DCDC1: variants seen among roughly 807,000 people sequenced by gnomAD.
DCDC1 encodes doublecortin domain-containing protein 1.
DCDC1 carries 200 observed loss-of-function variants against 178.3 expected under a neutral mutation model. That is an observed-to-expected ratio of 1.12 (90% CI 1.00 to 1.26). DCDC1 has a LOEUF of 1.26. Among genes scored for constraint, DCDC1 ranks in the 50% most tolerant of loss-of-function variants. DCDC1 has a pLI of 0.00. For missense variants in DCDC1, 1,983 were observed against 1,749.2 expected, an observed-to-expected ratio of 1.13 and a Z score of -2.38; for synonymous variants, 690 against 604.8, an observed-to-expected ratio of 1.14 and a Z score of -2.07.
At chr11:31,353,084 G>C (rs1951158081) in intron 1 of DCDC1, among the ~76,000 whole-genome samples, 1 of 152,138 alleles carries the variant, frequency 6.6e-6, no homozygotes, top group Non-Finnish European at 1.5e-5. Flanking sequence ...TGAATATATT[G>C]TTTCTTTGAC....
At chr11:31,262,851 T>A (rs2137083893) in intron 8 of DCDC1, 1 of 459,982 alleles carries the variant, frequency 2.2e-6, no homozygotes, top group Middle Eastern at 3.3e-4. Context: ...AGGATTAGCT[T>A]CTTTAAATAT....
chr11:31,194,507 A>C (rs2136376667), intron 9 of DCDC1, among the ~76,000 whole-genome samples: 1 of 152,224 alleles, frequency 6.6e-6, no homozygotes. Flanking sequence ...ATACATAAAA[A>C]CATATTTTTA....
intron 3 of DCDC1, among the ~76,000 whole-genome samples, chr11:31,313,909 G>A (rs1184513977): frequency 7.9e-5 from 12 of 152,120 alleles, no homozygotes; most frequent in Admixed American, 7.9e-4. Context: ...TTATAACATA[G>A]ATTTTCTTTT....
At chr11:31,117,790 T>C (rs1030480484) in intron 11 of DCDC1, among the ~76,000 whole-genome samples, 3 of 152,028 alleles carry the variant, frequency 2.0e-5, no homozygotes, top group African/African-American at 7.2e-5. Flanking sequence ...CAGAAGACAG[T>C]GGCAAAGGAA....
At chr11:31,171,161 C>T (rs1234322359) in intron 9 of DCDC1, among the ~76,000 whole-genome samples, 1 of 152,112 alleles carries the variant, frequency 6.6e-6, no homozygotes, top group Non-Finnish European at 1.5e-5. Flanking sequence ...AGTTCTATAC[C>T]AGAATCCTTA....
intron 18 of DCDC1, among the ~76,000 whole-genome samples, chr11:31,066,412 C>T (rs147276853): frequency 6.6e-6 from 1 of 152,148 alleles, no homozygotes; most frequent in Non-Finnish European, 1.5e-5. Flanking sequence ...GTCTGTCAAG[C>T]CTAAATATGC....
chr11:31,249,804 C>A (rs917161670), intron 8 of DCDC1, among the ~76,000 whole-genome samples: 1 of 152,106 alleles, frequency 6.6e-6, no homozygotes, highest in East Asian at 1.9e-4. Flanking sequence ...TGAAGAGAGG[C>A]AAATACACTT....
intron 8 of DCDC1, among the ~76,000 whole-genome samples, chr11:31,250,415 C>CACATATAT (rs1223526182): frequency 2.7e-5 from 2 of 73,672 alleles, no homozygotes; most frequent in African/African-American, 5.2e-5. Flanking sequence ...CACACACACA[C>CACATATAT]ATATACATAT....
At chr11:31,075,047 C>T (rs1389181798) in intron 18 of DCDC1, among the ~76,000 whole-genome samples, 1 of 152,016 alleles carries the variant, frequency 6.6e-6, no homozygotes, top group Admixed American at 6.6e-5. Flanking sequence ...TCTCATTATC[C>T]ATCCTCTCAC....
At chr11:31,066,075 G>A (rs1247466186) in intron 18 of DCDC1, among the ~76,000 whole-genome samples, 1 of 152,104 alleles carries the variant, frequency 6.6e-6, no homozygotes, top group Non-Finnish European at 1.5e-5. Context: ...ACCCACTCGT[G>A]TAATATTTCA....
intron 8 of DCDC1, among the ~76,000 whole-genome samples, chr11:31,248,546 A>T (rs1287127876): frequency 6.6e-6 from 1 of 152,114 alleles, no homozygotes; most frequent in Non-Finnish European, 1.5e-5. Context: ...TACCTAATTC[A>T]GAGACTTAAA....
intron 6 of DCDC1, among the ~76,000 whole-genome samples, chr11:31,292,261 C>A (rs1037462069): frequency 3.3e-5 from 5 of 152,010 alleles, no homozygotes; most frequent in African/African-American, 1.2e-4. Flanking sequence ...TTAATGAGTT[C>A]ATAAATAGCC....
intron 20 of DCDC1, among the ~76,000 whole-genome samples, chr11:30,970,368 C>T (rs1406024322): frequency 6.6e-6 from 1 of 152,168 alleles, no homozygotes. Flanking sequence ...ACAGCCCCTA[C>T]ATCTACAAAT....
At chr11:31,226,999 A>C (rs940754452) in intron 9 of DCDC1, among the ~76,000 whole-genome samples, 5 of 152,158 alleles carry the variant, frequency 3.3e-5, no homozygotes, top group Admixed American at 3.3e-4. Context: ...TGTTTCTTAC[A>C]TTATAATGAA....
intron 4 of DCDC1, among the ~76,000 whole-genome samples, chr11:31,306,828 A>C (rs961926283): frequency 9.2e-5 from 14 of 152,066 alleles, no homozygotes; most frequent in Admixed American, 9.2e-4. Flanking sequence ...AAGTTCTTTA[A>C]CTTTTTTAAA....
At chr11:31,143,080 C>T (rs1964029389) in intron 9 of DCDC1, among the ~76,000 whole-genome samples, 1 of 151,710 alleles carries the variant, frequency 6.6e-6, no homozygotes, top group African/African-American at 2.4e-5. Context: ...GTTAAGGAGA[C>T]AATTAAAAAA....
At chr11:30,980,198 C>T (rs1950324119) in intron 20 of DCDC1, among the ~76,000 whole-genome samples, 1 of 152,136 alleles carries the variant, frequency 6.6e-6, no homozygotes, top group Admixed American at 6.6e-5. Flanking sequence ...ATAACTCACA[C>T]CAAATACATT....
intron 36 of DCDC1, chr11:30,882,409 A>C (rs1469519628): frequency 2.0e-5 from 3 of 151,868 alleles, no homozygotes; most frequent in Non-Finnish European, 1.5e-5. Flanking sequence ...GAGGACCAAC[A>C]GGAGAGTAGT....
chr11:31,208,899 AT>A (rs1263707730), intron 9 of DCDC1, among the ~76,000 whole-genome samples: 1 of 152,134 alleles, frequency 6.6e-6, no homozygotes. Context: ...AAAATGTCCT[AT>A]TTCATGTTCT....
Sources: allele counts gnomAD v4.1 joint callset (sites outside exome capture counted in the v4.1 genomes callset), GRCh38; gene constraint gnomAD v4.1.1; transcripts MANE v1.5; gene names NCBI Gene and HGNC (gene_info 2026-07-23, HGNC 2026-07-21).